Variants in ANKMY1 observed in about 807,000 individuals in gnomAD.
The protein encoded by ANKMY1 is ankyrin repeat and MYND domain-containing protein 1.
A neutral mutation model predicts 102.0 loss-of-function variants in ANKMY1; 98 were observed. The observed-to-expected ratio is 0.96, with a 90% CI of 0.82 to 1.14. The LOEUF is 1.14. Ranked by LOEUF, ANKMY1 falls within the 50% of genes most tolerant of loss-of-function variation. The pLI is 0.00. For synonymous variants in ANKMY1, 582 were observed against 559.9 expected (o/e 1.04, Z -0.56); for missense variants, 1,330 against 1,347.6 (o/e 0.99, Z 0.20).
At chr2:240,493,912 G>A (rs2076931832) in intron 15 of ANKMY1, among the ~76,000 whole-genome samples, 1 of 152,196 alleles carries the variant, frequency 6.6e-6, no homozygotes, top group Admixed American at 6.5e-5. Flanking sequence ...AGCTGGCACA[G>A]CATGGGCAAT....
At chr2:240,507,477 C>G (rs1338093405) in intron 13 of ANKMY1, 83 bp downstream of exon 13, 1 of 1,487,898 alleles carries the variant, frequency 6.7e-7, no homozygotes, top group Non-Finnish European at 9.0e-7. Flanking sequence ...TCAGGGCCAC[C>G]CAGCCCTCAC....
intron 15 of ANKMY1, among the ~76,000 whole-genome samples, chr2:240,484,847 T>C (rs1472016168): frequency 1.3e-5 from 2 of 152,010 alleles, no homozygotes; most frequent in African/African-American, 4.8e-5. Flanking sequence ...AGTAAACACA[T>C]TTACAAGAAA....
chr2:240,547,231 T>C lies in ANKMY1; in HGVS notation c.480+5683A>G, dbSNP rs564006808. Among the ~76,000 whole-genome samples, 11 of 152,234 alleles carry C rather than the reference T, an allele frequency of 7.2e-5. No individual in the cohort carries two copies. The East Asian group carries it at 1.7e-3, about 24-fold the overall frequency. On this transcript the variant is annotated intron_variant, in intron 4 of 17. Coordinates refer to ENST00000401804, the MANE Select transcript of ANKMY1 (RefSeq NM_001282771.3). ...TCTCACTCAAAACCGCTCAACTACA[T>C]GGAAACTGAACAACTTGCTCCTGAA... is the stretch of plus-strand genomic sequence containing the variant.
At position 240,529,240 on chromosome 2, in the gene ANKMY1, A is replaced by G. The variant is rs1278549630; in HGVS notation, c.750T>C (p.Asn250=). 2 of 1,614,098 alleles carry G rather than the reference A, an allele frequency of 1.2e-6. No homozygotes were observed. Among genetic ancestry groups the G allele is most frequent in the African/African-American group, 1.3e-5 (1 of 74,932 alleles). ...FFYDYKRFLL[N]DNLTLPPEMY... ...TTTCTGGAGGCAGCGTTAGGTTGTC[A>G]TTCAGAAGAAACCGCTTATAGTCAT... The change falls in exon 5 of 18, where the codon AAT becomes AAC. Residue 250 remains asparagine (N), a synonymous_variant. Transcript: ENST00000401804. This position sits in a 1 kb window ranked among gnomAD's most constrained non-coding sequence, Gnocchi z 4.2.
intron 4 of ANKMY1, among the ~76,000 whole-genome samples, chr2:240,537,404 CTTAAGAAT>C (rs2087089791): frequency 6.6e-6 from 1 of 152,152 alleles, no homozygotes; most frequent in Non-Finnish European, 1.5e-5. Context: ...TGGTAAATAA[CTTAAGAAT>C]TTCCCCTTTT....
At chr2:240,550,760 T>A (rs1020308018) in intron 4 of ANKMY1, among the ~76,000 whole-genome samples, 1 of 152,208 alleles carries the variant, frequency 6.6e-6, no homozygotes, top group African/African-American at 2.4e-5. Context: ...TTCTAATATG[T>A]TTAAATATAT....
the ANKMY1 span, among the ~76,000 whole-genome samples, chr2:240,469,488 A>G: frequency 6.6e-6 from 1 of 152,128 alleles, no homozygotes; most frequent in African/African-American, 2.4e-5. Flanking sequence ...ACCCACCCAC[A>G]CTGATGGGCA....
intron 9 of ANKMY1, among the ~76,000 whole-genome samples, chr2:240,517,900 T>C (rs2081466490): frequency 6.6e-6 from 1 of 152,182 alleles, no homozygotes; most frequent in Non-Finnish European, 1.5e-5. Flanking sequence ...TTGCTGTGAT[T>C]TGCCTTTGGT....
At chr2:240,561,002 C>T, upstream of ANKMY1, 2 of 1,539,786 alleles carry the variant, frequency 1.3e-6, no homozygotes, top group Non-Finnish European at 1.7e-6. Flanking sequence ...GCAAGAACGG[C>T]CGCAGCCGCT....
At chr2:240,480,907 C>A (rs768842145) in intron 17 of ANKMY1, 30 bp downstream of exon 17, 20 of 1,593,658 alleles carry the variant, frequency 1.3e-5, no homozygotes, top group Non-Finnish European at 1.6e-5. Context: ...GCAGCGGAAC[C>A]CTTGCCTCCC....
chr2:240,546,908 A>C (rs1471719194), intron 4 of ANKMY1, among the ~76,000 whole-genome samples: 1 of 152,214 alleles, frequency 6.6e-6, no homozygotes, highest in Non-Finnish European at 1.5e-5. Context: ...ACACATTAAT[A>C]ATGGGAGACT....
intron 15 of ANKMY1, among the ~76,000 whole-genome samples, chr2:240,498,137 G>A (rs1336577937): frequency 6.6e-6 from 1 of 152,158 alleles, no homozygotes; most frequent in African/African-American, 2.4e-5. Flanking sequence ...GGCGAGCCAG[G>A]TGGGAAGAAG....
chr2:240,472,440 G>T, the ANKMY1 span, among the ~76,000 whole-genome samples: 2 of 152,226 alleles, frequency 1.3e-5, no homozygotes, highest in Non-Finnish European at 2.9e-5. Flanking sequence ...CTCAGTCTCA[G>T]CTGTGAGCCT....
At position 240,482,265 on chromosome 2, in the gene ANKMY1, C is replaced by T; in HGVS notation, c.2807-4G>A. On this transcript the variant is annotated splice_region_variant and splice_polypyrimidine_tract_variant and intron_variant, in intron 15 of 17. Coordinates refer to ENST00000401804, the MANE Select transcript of ANKMY1 (RefSeq NM_001282771.3). The stretch of plus-strand genomic sequence containing the variant: ...CTGTGGCTGGGGATCAGCTCCGCTG[C>T]ATGAGAGAGGGTCCCGCATTAGTAC... 2 of 1,610,728 alleles carry T rather than the reference C, an allele frequency of 1.2e-6. No homozygotes were observed. The highest frequency in any genetic ancestry group is 2.2e-5 in the East Asian group (1 of 44,730).
chr2:240,479,647 G>T lies in ANKMY1; in HGVS notation c.3055C>A (p.Leu1019Met), dbSNP rs2075108764. 1 of 1,613,638 alleles carries T rather than the reference G, an allele frequency of 6.2e-7. No individual in the cohort carries two copies. The highest frequency in any genetic ancestry group is 1.1e-5 in the South Asian group (1 of 91,080). ...TCTCTCCTCCTGGAAACTTGCTCCA[G>T]TTGTGTCACTGGAGGAGGAAAAGGT... Reference protein sequence around the residue: ...CGDLVAIVTQLEQVSRRREEF... With the variant: ...CGDLVAIVTQMEQVSRRREEF... The change falls in exon 18 of 18, where the codon CTG (leucine) becomes ATG (methionine). Residue 1019 changes from leucine to methionine, a missense_variant. Physicochemically the swap from Leu to Met is conservative, Grantham distance 15. Transcript: ENST00000401804.
downstream of ANKMY1, among the ~76,000 whole-genome samples, chr2:240,477,086 A>C (rs974934620): frequency 1.3e-5 from 2 of 152,212 alleles, no homozygotes; most frequent in African/African-American, 4.8e-5. Context: ...TGGGAGGCTG[A>C]GGTGGGTGGA....
chr2:240,503,065 C>A (rs973387862), intron 13 of ANKMY1, among the ~76,000 whole-genome samples: 1 of 152,190 alleles, frequency 6.6e-6, no homozygotes, highest in Non-Finnish European at 1.5e-5. Context: ...ACCAGCCCTG[C>A]CCAGGGGCTC....
At chr2:240,489,391 A>G (rs999070093) in intron 15 of ANKMY1, among the ~76,000 whole-genome samples, 9 of 151,780 alleles carry the variant, frequency 5.9e-5, no homozygotes, top group Non-Finnish European at 1.2e-4. Flanking sequence ...TGGGAGGCAG[A>G]GGTTGTAGTG....
At chr2:240,480,748 G>A (rs2151826580) in intron 17 of ANKMY1, among the ~76,000 whole-genome samples, 189 bp downstream of exon 17, 1 of 152,314 alleles carries the variant, frequency 6.6e-6, no homozygotes, top group South Asian at 2.1e-4. Flanking sequence ...CAGTAGGTGA[G>A]GAAGAGCCAG....
Sources: allele counts gnomAD v4.1 joint callset (sites outside exome capture counted in the v4.1 genomes callset), GRCh38; gene constraint gnomAD v4.1.1; non-coding constraint Gnocchi (gnomAD v3.1); transcripts MANE v1.5; gene names NCBI Gene and HGNC (gene_info 2026-07-23, HGNC 2026-07-21).